EXOC4: variants seen among roughly 807,000 people sequenced by gnomAD.
EXOC4 encodes SEC8-like 1.
EXOC4 carries 71 observed loss-of-function variants against 107.2 expected under a neutral mutation model. That is an observed-to-expected ratio of 0.66 (90% CI 0.55 to 0.81). The LOEUF is 0.81. EXOC4 is among the 30% of genes least tolerant of loss of function. The pLI, the probability that EXOC4 is intolerant of heterozygous loss-of-function variation, is 0.00. For synonymous variants in EXOC4, 456 were observed against 441.2 expected (o/e 1.03, Z -0.42); for missense variants, 1,108 against 1,189.6 (o/e 0.93, Z 1.01).
intron 10 of EXOC4, among the ~76,000 whole-genome samples, chr7:133,782,147 C>T (rs899909323): frequency 6.6e-6 from 1 of 152,112 alleles, no homozygotes; most frequent in Non-Finnish European, 1.5e-5. Flanking sequence ...ATATTGGCTT[C>T]CTTAGCTCAG....
chr7:133,737,866 C>A, intron 10 of EXOC4, among the ~76,000 whole-genome samples: 1 of 133,754 alleles, frequency 7.5e-6, no homozygotes, highest in South Asian at 2.5e-4. Flanking sequence ...CTTTTAGATT[C>A]TTTTAACTTT....
chr7:133,782,599 C>G lies in EXOC4; in HGVS notation c.1515-34726C>G, dbSNP rs773652634. Among the ~76,000 whole-genome samples, 57 of 152,150 alleles carry G rather than the reference C, an allele frequency of 3.7e-4. 1 individual carries two copies. Among genetic ancestry groups the G allele is most frequent in the Admixed American group, 7.9e-4 (12 of 15,270 alleles). On this transcript the variant is annotated intron_variant, in intron 10 of 17. Transcript: ENST00000253861. ...CAGAAAAATGAACCCGACATGGGAG[C>G]CTTCTTCACATTCATTCATAGTAGG...
chr7:133,391,945 T>C (rs1796861770), intron 7 of EXOC4, among the ~76,000 whole-genome samples: 1 of 152,218 alleles, frequency 6.6e-6, no homozygotes, highest in South Asian at 2.1e-4. Context: ...TGAGACTTTA[T>C]AGTTATCTTT....
chr7:133,329,964 GTTGCTCTC>G (rs1286228080), intron 5 of EXOC4, among the ~76,000 whole-genome samples: 1 of 152,144 alleles, frequency 6.6e-6, no homozygotes, highest in Non-Finnish European at 1.5e-5. Context: ...TGGGAGATCT[GTTGCTCTC>G]TTCAGAGCCG....
At chr7:133,696,244 G>T (rs1036818727) in intron 10 of EXOC4, among the ~76,000 whole-genome samples, 34 of 152,308 alleles carry the variant, frequency 2.2e-4, no homozygotes, top group African/African-American at 8.2e-4. Flanking sequence ...ACCAGTTTCT[G>T]TTGTCAATGC....
intron 7 of EXOC4, among the ~76,000 whole-genome samples, chr7:133,458,787 G>A (rs1007090050): frequency 2.6e-5 from 4 of 152,176 alleles, no homozygotes; most frequent in Non-Finnish European, 4.4e-5. Context: ...GGAACTTCAC[G>A]TAAAAATAAG....
At chr7:133,518,434 T>TC (rs1272859628) in intron 9 of EXOC4, among the ~76,000 whole-genome samples, 2 of 152,044 alleles carry the variant, frequency 1.3e-5, no homozygotes, top group Non-Finnish European at 2.9e-5. Flanking sequence ...ATTTTTTTTT[T>TC]CTTTCTCCTA....
In EXOC4 at chr7:133,278,081, GC is replaced by G. The variant is rs551592258; in HGVS notation, c.276+2913del. 3.2e-3 allele frequency among the ~76,000 whole-genome samples: 493 copies of G among 152,246 alleles called. 3 individuals are homozygous for G. Among genetic ancestry groups the G allele is most frequent in the Non-Finnish European group, 5.0e-3 (338 of 68,010 alleles). Reference sequence around the variant, plus strand: ...TTCATGCAGCAAATATCTGTTGAGTGCCCGCTATGTTGCTGATTGTGTTTTA... The same window carrying G: ...TTCATGCAGCAAATATCTGTTGAGTGCCGCTATGTTGCTGATTGTGTTTTA... On this transcript the variant is annotated intron_variant, in intron 2 of 17. Coordinates refer to ENST00000253861, the MANE Select transcript of EXOC4 (RefSeq NM_021807.4).
At chr7:133,301,372 G>A (rs1794637813) in intron 3 of EXOC4, among the ~76,000 whole-genome samples, 1 of 152,124 alleles carries the variant, frequency 6.6e-6, no homozygotes, top group South Asian at 2.1e-4. Context: ...GAAGGGGGAA[G>A]GTATCAATTC....
At chr7:133,289,477 C>A (rs1794356830) in intron 3 of EXOC4, among the ~76,000 whole-genome samples, 1 of 152,226 alleles carries the variant, frequency 6.6e-6, no homozygotes, top group Non-Finnish European at 1.5e-5. Context: ...GATTTATAGA[C>A]TAGTGTTCCA....
chr7:133,682,039 C>T (rs541766472), intron 10 of EXOC4, among the ~76,000 whole-genome samples: 3 of 152,068 alleles, frequency 2.0e-5, no homozygotes, highest in African/African-American at 7.2e-5. Flanking sequence ...AAGCTGGGAC[C>T]ACAGGCACGT....
At chr7:134,027,160 T>C (rs1409821064) in intron 17 of EXOC4, among the ~76,000 whole-genome samples, 1 of 152,206 alleles carries the variant, frequency 6.6e-6, no homozygotes, top group Admixed American at 6.5e-5. Context: ...TAACAGTAGA[T>C]GCTGAAATTA....
chr7:133,945,084 A>G (rs1284615528), intron 14 of EXOC4, among the ~76,000 whole-genome samples: 1 of 152,190 alleles, frequency 6.6e-6, no homozygotes, highest in East Asian at 1.9e-4. Flanking sequence ...CATCAGTTAT[A>G]ATCAGTTAGA....
chr7:134,040,532 A>ATG (rs951701151), intron 17 of EXOC4, among the ~76,000 whole-genome samples: 41 of 152,122 alleles, frequency 2.7e-4, no homozygotes, highest in African/African-American at 9.4e-4. Flanking sequence ...AGTCATTGCC[A>ATG]TGTTACTTGA....
chr7:133,597,578 CA>C (rs1216928669), intron 9 of EXOC4, among the ~76,000 whole-genome samples: 13 of 128,490 alleles, frequency 1.0e-4, no homozygotes, highest in African/African-American at 2.5e-4. Flanking sequence ...AAAAAAAACC[CA>C]AAAAAAAAAC....
chr7:133,966,753 C>T (rs550612295), intron 14 of EXOC4, among the ~76,000 whole-genome samples: 4 of 152,266 alleles, frequency 2.6e-5, no homozygotes, highest in Non-Finnish European at 1.5e-5. Context: ...ATTTTCACAT[C>T]AGTGTTCATC....
chr7:133,576,726 A>T, intron 9 of EXOC4: 1 of 1,289,754 alleles, frequency 7.8e-7, no homozygotes. Context: ...CAACATGGAG[A>T]TAGAGGATAT....
chr7:133,340,624 T>C (rs887192073), intron 5 of EXOC4, among the ~76,000 whole-genome samples: 2 of 152,106 alleles, frequency 1.3e-5, no homozygotes, highest in Admixed American at 1.3e-4. Context: ...TTTGAATGTC[T>C]GATAGAATTC....
At chr7:133,534,592 T>C (rs1014994861) in intron 9 of EXOC4, among the ~76,000 whole-genome samples, 11 of 152,182 alleles carry the variant, frequency 7.2e-5, no homozygotes, top group African/African-American at 2.7e-4. Context: ...GGAAATGTTT[T>C]CTCTGCAGTT....
Sources: allele counts gnomAD v4.1 joint callset (sites outside exome capture counted in the v4.1 genomes callset), GRCh38; gene constraint gnomAD v4.1.1; transcripts MANE v1.5; gene names NCBI Gene and HGNC (gene_info 2026-07-23, HGNC 2026-07-21).